The following ANXA6 variants were observed in gnomAD, a reference collection of about 807,000 sequenced individuals.
ANXA6 encodes the protein annexin A6, also known as 67 kDa calelectrin.
In ANXA6, 71 loss-of-function variants were observed where a neutral mutation model predicts 95.4. The ratio of observed to expected loss-of-function variants is 0.74; its 90% CI spans 0.61 to 0.91. ANXA6 has a LOEUF of 0.91. ANXA6 is among the 40% of genes least tolerant of loss of function. ANXA6 has a pLI of 0.00. For missense variants in ANXA6, 830 were observed against 876.4 expected (o/e 0.95, Z 0.67); for synonymous variants, 289 against 315.9 (o/e 0.91, Z 0.90).
intron 2 of ANXA6, among the ~76,000 whole-genome samples, chr5:151,146,797 G>T (rs1338347823): frequency 3.3e-5 from 5 of 152,134 alleles, no homozygotes; most frequent in Non-Finnish European, 5.9e-5. Context: ...GTAGAGTGGG[G>T]TTTTTTGTTT....
chr5:151,131,676 T>A (rs993702044), intron 10 of ANXA6, among the ~76,000 whole-genome samples: 1 of 152,046 alleles, frequency 6.6e-6, no homozygotes. Context: ...TCCCACTGAA[T>A]CACCGTGAGT....
chr5:151,129,173 A>T (rs529884129), intron 12 of ANXA6, among the ~76,000 whole-genome samples: 1 of 152,276 alleles, frequency 6.6e-6, no homozygotes, highest in South Asian at 2.1e-4. Flanking sequence ...CGTGTCCTTC[A>T]TGACCCAGCC....
intron 14 of ANXA6, 130 bp from the exon 15 acceptor site, chr5:151,124,497 C>A (rs1228395798): frequency 2.6e-6 from 2 of 763,800 alleles, no homozygotes; most frequent in Admixed American, 2.1e-5. Flanking sequence ...GGGAAAGAGG[C>A]AGAGGTGAAG....
At chr5:151,127,994 C>T (rs1765375601) in intron 13 of ANXA6, among the ~76,000 whole-genome samples, 187 bp downstream of exon 13, 1 of 152,154 alleles carries the variant, frequency 6.6e-6, no homozygotes, top group Admixed American at 6.5e-5. Flanking sequence ...CAGACCCCCA[C>T]ACTCTCAGAC....
intron 20 of ANXA6, among the ~76,000 whole-genome samples, chr5:151,114,885 T>C (rs1037884142): frequency 5.3e-5 from 8 of 152,164 alleles, no homozygotes; most frequent in African/African-American, 1.9e-4. Context: ...AGGGAGGCAG[T>C]GTAAAACAGG....
intron 6 of ANXA6, among the ~76,000 whole-genome samples, chr5:151,136,813 G>C (rs1363327950): frequency 6.6e-6 from 1 of 152,192 alleles, no homozygotes; most frequent in African/African-American, 2.4e-5. Context: ...CAGGGCCTTT[G>C]CACTTGCCGT....
intron 13 of ANXA6, 31 bp from the exon 14 acceptor site, chr5:151,126,511 G>A (rs1454460892): frequency 6.4e-7 from 1 of 1,565,328 alleles, no homozygotes; most frequent in African/African-American, 1.4e-5. Flanking sequence ...GAGAGGACAG[G>A]AAGGAATGTC....
At chr5:151,153,441 G>A (rs937163276) in intron 1 of ANXA6, among the ~76,000 whole-genome samples, 3 of 152,166 alleles carry the variant, frequency 2.0e-5, no homozygotes, top group Admixed American at 6.5e-5. Context: ...TTCAAATGCC[G>A]CCTTTTCTAA....
chr5:151,105,195 G>T (rs776890648), intron 24 of ANXA6, 50 bp downstream of exon 24: 10 of 1,517,874 alleles, frequency 6.6e-6, no homozygotes, highest in Non-Finnish European at 8.2e-6. Context: ...GTTTGTGTGT[G>T]TATGTAAGTC....
At chr5:151,152,293 G>C (rs1196708843) in intron 1 of ANXA6, among the ~76,000 whole-genome samples, 1 of 152,200 alleles carries the variant, frequency 6.6e-6, no homozygotes, top group Non-Finnish European at 1.5e-5. Context: ...ACACAGTAAA[G>C]GCTCAATAAA....
intron 13 of ANXA6, 105 bp downstream of exon 13, chr5:151,128,076 G>A (rs1217559109): frequency 3.0e-6 from 3 of 1,001,094 alleles, no homozygotes; most frequent in East Asian, 5.2e-5. Flanking sequence ...TGGCTCAGGG[G>A]AATCCCCAGC....
chr5:151,134,479 G>C lies in ANXA6; in HGVS notation c.494C>G (p.Thr165Ser), dbSNP rs987356536. The C allele has an allele frequency of 9.9e-6, 16 of 1,613,854 alleles. No individual in the cohort carries two copies. Among genetic ancestry groups the C allele is most frequent in the Non-Finnish European group, 1.3e-5 (15 of 1,179,892 alleles). The change falls in exon 8 of 26, where the codon ACC (threonine) becomes AGC (serine). Residue 165 changes from threonine (T) to serine (S), a missense_variant. Transcript: ENST00000354546. The part of the protein sequence containing the change: ...QKMLVVLLQG[T>S]REEDDVVSED... ...GCTCACTACGTCATCCTCCTCCCTG[G>C]TTCCCTGGGCAGAAAGACAAAGAAC...
At chr5:151,130,575 T>A (rs566975658) in intron 11 of ANXA6, among the ~76,000 whole-genome samples, 2 of 152,348 alleles carry the variant, frequency 1.3e-5, no homozygotes, top group Admixed American at 6.5e-5. Context: ...TGGGCATTCT[T>A]AATGAATTCA....
At chr5:151,143,688 C>A (rs1479690121) in intron 2 of ANXA6, among the ~76,000 whole-genome samples, 1 of 152,152 alleles carries the variant, frequency 6.6e-6, no homozygotes, top group African/African-American at 2.4e-5. Flanking sequence ...TCCGGGAGGG[C>A]AGGGACTGTG....
At chr5:151,126,549 C>T in intron 13 of ANXA6, 69 bp from the exon 14 acceptor site, 2 of 439,326 alleles carry the variant, frequency 4.6e-6, no homozygotes, top group Non-Finnish European at 3.9e-6. Flanking sequence ...CACCAACACA[C>T]ACACACACAC....
At chr5:151,141,877 A>G (rs1429956091) in intron 2 of ANXA6, among the ~76,000 whole-genome samples, 2 of 152,208 alleles carry the variant, frequency 1.3e-5, no homozygotes, top group African/African-American at 4.8e-5. Context: ...CTTTACTGCC[A>G]GCGCTCCCCT....
At chr5:151,150,397 C>A (rs1312671910) in intron 1 of ANXA6, among the ~76,000 whole-genome samples, 1 of 152,132 alleles carries the variant, frequency 6.6e-6, no homozygotes, top group Non-Finnish European at 1.5e-5. Flanking sequence ...TAAGTTATGT[C>A]AAAGGCAGCA....
chr5:151,138,785 T>A lies in ANXA6; in HGVS notation c.211A>T (p.Ile71Phe). The A allele has an allele frequency of 1.2e-6, 2 of 1,612,368 alleles. No homozygotes were observed. The highest frequency in any genetic ancestry group is 1.7e-6 in the Non-Finnish European group (2 of 1,178,628). The change falls in exon 5 of 26, where the codon ATT becomes TTT. Residue 71 changes from isoleucine (I) to phenylalanine (F), a missense_variant. Transcript: ENST00000354546. ...SYKSLYGKDLIADLKYELTGK... is the reference protein window; with the variant it reads ...SYKSLYGKDLFADLKYELTGK... The stretch of plus-strand genomic sequence containing the variant: ...GTCAATTCATACTTTAAATCAGCAA[T>A]GAGGTCCTGGCAGGTGGGGAAGAAG...
At chr5:151,115,277 GT>G (rs1166468350) in intron 20 of ANXA6, among the ~76,000 whole-genome samples, 2 of 152,162 alleles carry the variant, frequency 1.3e-5, no homozygotes, top group African/African-American at 4.8e-5. Context: ...AGGTTATGGA[GT>G]CTTTTTTGGC....
Sources: allele counts gnomAD v4.1 joint callset (sites outside exome capture counted in the v4.1 genomes callset), GRCh38; gene constraint gnomAD v4.1.1; transcripts MANE v1.5; gene names NCBI Gene and HGNC (gene_info 2026-07-23, HGNC 2026-07-21).